ESF1: variants seen among roughly 807,000 people sequenced by gnomAD.
ESF1 encodes ESF1 nucleolar pre-rRNA processing protein.
A neutral mutation model predicts 92.0 loss-of-function variants in ESF1; 58 were observed. The observed-to-expected ratio is 0.63, with a 90% CI of 0.51 to 0.78. The LOEUF (loss-of-function observed/expected upper bound fraction) is 0.78, where lower values mean the gene tolerates loss of function less well. ESF1 is among the 30% of genes least tolerant of loss of function. ESF1 has a pLI of 0.00. For missense variants in ESF1, 922 were observed against 989.1 expected (o/e 0.93, Z 0.91); for synonymous variants, 321 against 313.7 (o/e 1.02, Z -0.24).
intron 9 of ESF1, among the ~76,000 whole-genome samples, chr20:13,756,419 C>T (rs866092718): frequency 1.3e-5 from 2 of 152,096 alleles, no homozygotes; most frequent in African/African-American, 4.8e-5. Flanking sequence ...CCAATGTTGA[C>T]GATAATTCCG....
chr20:13,772,767 C>A, intron 4 of ESF1, 152 bp from the exon 5 acceptor site: 1 of 566,790 alleles, frequency 1.8e-6, no homozygotes, highest in East Asian at 2.8e-5. Flanking sequence ...GAAGCTAGAG[C>A]ATCTTGAGAA....
At chr20:13,775,100 T>C in intron 4 of ESF1, 57 bp downstream of exon 4, 2 of 950,354 alleles carry the variant, frequency 2.1e-6, no homozygotes, top group Non-Finnish European at 3.0e-6. Context: ...AAAAAAAAAA[T>C]CAGATTTAAC....
At chr20:13,732,989 C>T (rs953565659) in intron 10 of ESF1, among the ~76,000 whole-genome samples, 5 of 151,910 alleles carry the variant, frequency 3.3e-5, no homozygotes, top group South Asian at 2.1e-4. Context: ...TGCAGTGGCA[C>T]GATCTTGACT....
intron 1 of ESF1, among the ~76,000 whole-genome samples, chr20:13,784,125 A>G (rs1175695438): frequency 7.9e-5 from 12 of 152,196 alleles, no homozygotes; most frequent in Admixed American, 7.9e-4. Context: ...TGATTCTACC[A>G]GTGATGAAGG....
At chr20:13,771,630 A>G in intron 5 of ESF1, 147 bp from the exon 6 acceptor site, 1 of 624,590 alleles carries the variant, frequency 1.6e-6, no homozygotes, top group Non-Finnish European at 2.8e-6. Flanking sequence ...GCCTTTATAA[A>G]CATTAAATAC....
At chr20:13,779,268 TAATG>T (rs1353489772) in intron 2 of ESF1, among the ~76,000 whole-genome samples, 3 of 151,820 alleles carry the variant, frequency 2.0e-5, no homozygotes, top group Non-Finnish European at 1.5e-5. Context: ...ATTATAAACA[TAATG>T]AATGATCATT....
At chr20:13,721,438 G>C (rs6042316) in intron 11 of ESF1, among the ~76,000 whole-genome samples, 51 of 152,278 alleles carry the variant, frequency 3.3e-4, no homozygotes, top group African/African-American at 1.1e-3. Flanking sequence ...GACTGAATGA[G>C]GGGGCTGGTT....
At chr20:13,756,284 C>T (rs183965849) in intron 9 of ESF1, among the ~76,000 whole-genome samples, 7 of 152,288 alleles carry the variant, frequency 4.6e-5, no homozygotes, top group Non-Finnish European at 2.9e-5. Context: ...CGTGCATGTA[C>T]ATAAGGATTC....
chr20:13,731,389 G>A (rs944533997), intron 10 of ESF1, among the ~76,000 whole-genome samples: 41 of 152,010 alleles, frequency 2.7e-4, no homozygotes, highest in Non-Finnish European at 5.3e-4. Context: ...AAAATTAGCC[G>A]GGTGTGGTGG....
At chr20:13,780,704 G>GATCC (rs1410294793) in intron 2 of ESF1, among the ~76,000 whole-genome samples, 18 of 151,852 alleles carry the variant, frequency 1.2e-4, no homozygotes, top group African/African-American at 4.4e-4. Context: ...CCCCTCCTTG[G>GATCC]ATCCTGTAAT....
At chr20:13,736,043 T>G (rs1042284994) in intron 9 of ESF1, among the ~76,000 whole-genome samples, 5 of 152,142 alleles carry the variant, frequency 3.3e-5, no homozygotes, top group Admixed American at 3.3e-4. Context: ...GTAAAGAACA[T>G]TTATAGGAGC....
chr20:13,774,385 G>A (rs1547920), intron 4 of ESF1, among the ~76,000 whole-genome samples: 25,849 of 152,120 alleles, frequency 0.17, 2,802 homozygotes, highest in Non-Finnish European at 0.24. Flanking sequence ...TATATATAAT[G>A]CAATTTTATT....
In ESF1 at chr20:13,715,108, G is replaced by A. The variant is rs2049815211; in HGVS notation, c.2322C>T (p.Asp774=). 3 of 1,612,980 alleles carry A rather than the reference G, an allele frequency of 1.9e-6. No individual in the cohort carries two copies. The highest frequency in any genetic ancestry group is 2.5e-6 in the Non-Finnish European group (3 of 1,179,782). The change falls in exon 14 of 14, where the codon GAC becomes GAT. Residue 774 remains aspartate (D), a synonymous_variant. Coordinates refer to ENST00000617257, the MANE Select transcript of ESF1 (RefSeq NM_001276380.2). The part of the protein sequence containing the change: ...AMYTSHLFNL[D]PSDPNFKKTK... Reference sequence around the variant, plus strand: ...TTTTCTTGAAATTGGGATCTGAGGGGTCCAAATTGAACAAGTGGGAAGTGT... The same window carrying A: ...TTTTCTTGAAATTGGGATCTGAGGGATCCAAATTGAACAAGTGGGAAGTGT...
At chr20:13,769,801 C>CA (rs35589194) in intron 7 of ESF1, 106 bp downstream of exon 7, 1 of 811,612 alleles carries the variant, frequency 1.2e-6, no homozygotes, top group Non-Finnish European at 2.0e-6. Flanking sequence ...AAAATAATAA[C>CA]AAAAAAATTA....
chr20:13,729,623 T>TA (rs1268036946), intron 10 of ESF1, among the ~76,000 whole-genome samples: 1 of 152,278 alleles, frequency 6.6e-6, no homozygotes, highest in East Asian at 1.9e-4. Context: ...AATTATTAGT[T>TA]ACAACAATTT....
At chr20:13,783,266 T>C (rs1241647509) in intron 1 of ESF1, 83 bp from the exon 2 acceptor site, 15 of 959,180 alleles carry the variant, frequency 1.6e-5, no homozygotes, top group Non-Finnish European at 2.2e-5. Context: ...CAATATATTC[T>C]AAGTTAATAT....
intron 11 of ESF1, among the ~76,000 whole-genome samples, chr20:13,723,841 A>G (rs188191478): frequency 5.5e-4 from 84 of 152,346 alleles, no homozygotes; most frequent in African/African-American, 2.0e-3. Context: ...AATATTTTTG[A>G]AAAGCAAGGT....
intron 9 of ESF1, among the ~76,000 whole-genome samples, chr20:13,736,414 G>A (rs2049975929): frequency 6.6e-6 from 1 of 152,086 alleles, no homozygotes; most frequent in African/African-American, 2.4e-5. Context: ...CATAAGTGAT[G>A]GTATTTTACT....
At chr20:13,784,529 G>A (rs1445686329) in intron 1 of ESF1, among the ~76,000 whole-genome samples, 1 of 152,086 alleles carries the variant, frequency 6.6e-6, no homozygotes, top group Non-Finnish European at 1.5e-5. Flanking sequence ...TCCGAGAGAG[G>A]GGAAGGCGAC....
Sources: gnomAD v4.1 joint callset for allele counts (sites outside exome capture counted in the v4.1 genomes callset) on GRCh38, gnomAD v4.1.1 for gene constraint, MANE v1.5 for transcripts, NCBI Gene and HGNC (gene_info 2026-07-23, HGNC 2026-07-21) for gene names.